SSR1: variants seen among roughly 807,000 people sequenced by gnomAD.
SSR1 encodes signal sequence receptor subunit 1, also known as translocon-associated protein subunit alpha.
SSR1 carries 13 observed loss-of-function variants against 36.1 expected under a neutral mutation model. The ratio of observed to expected loss-of-function variants is 0.36; its 90% CI spans 0.23 to 0.57. SSR1 has a LOEUF of 0.57. Ranked by LOEUF, SSR1 falls within the 20% of genes least tolerant of loss-of-function variation. SSR1 has a pLI of 0.81. For missense variants in SSR1, 291 were observed against 338.5 expected (o/e 0.86, Z 1.10); for synonymous variants, 113 against 118.9 (o/e 0.95, Z 0.32).
chr6:7,311,867 G>C (rs1758201658), intron 1 of SSR1, among the ~76,000 whole-genome samples: 2 of 151,890 alleles, frequency 1.3e-5, no homozygotes, highest in African/African-American at 2.4e-5. Context: ...GTTATAAATA[G>C]TTCTAAAACT....
At position 7,298,219 on chromosome 6, in the gene SSR1, G is replaced by A. The variant is rs528508958; in HGVS notation, c.621-218C>T. 8.9e-4 allele frequency among the ~76,000 whole-genome samples: 136 copies of A among 152,168 alleles called. 1 individual carries two copies. Among genetic ancestry groups the A allele is most frequent in the African/African-American group, 3.2e-3 (132 of 41,500 alleles). ...AAAAAAAACTCTATGATTGAAAATA[G>A]AATTACAATTTATGCTCTATTCAAA... On this transcript the variant is annotated intron_variant, in intron 5 of 7. Coordinates refer to ENST00000244763, the MANE Select transcript of SSR1 (RefSeq NM_003144.5).
chr6:7,312,481 G>A (rs75465676), intron 1 of SSR1, among the ~76,000 whole-genome samples: 12,667 of 152,210 alleles, frequency 0.083, 714 homozygotes, highest in Middle Eastern at 0.15. Flanking sequence ...TAACACATAC[G>A]GGTCAAGCAG....
Position 7,301,424 on chromosome 6 carries a change from G to T in SSR1, c.429C>A (p.Asn143Lys), listed in dbSNP as rs746681858. 6.2e-7 allele frequency: 1 copy of T among 1,614,166 alleles called. No individual in the cohort carries two copies. Among genetic ancestry groups the T allele is most frequent in the South Asian group, 1.1e-5 (1 of 91,080 alleles). ...CCTGTCTCTGGGGTGGCACTACAGTGTTCAGAGGAAGAGCTGTGAAATTCT... is the reference window on the plus strand; with the variant it reads ...CCTGTCTCTGGGGTGGCACTACAGTTTTCAGAGGAAGAGCTGTGAAATTCT... Reference protein sequence around the residue: ...YIQNFTALPLNTVVPPQRQAT... With the variant: ...YIQNFTALPLKTVVPPQRQAT... The change falls in exon 4 of 8, where the codon AAC (asparagine) becomes AAA (lysine). Residue 143 changes from asparagine (N) to lysine (K), a missense_variant. By Grantham distance (94) the Asn-to-Lys change is moderately conservative. Coordinates refer to ENST00000244763, the MANE Select transcript of SSR1 (RefSeq NM_003144.5).
At position 7,303,674 on chromosome 6, in the gene SSR1, G is replaced by GA. The variant is rs748243218; in HGVS notation, c.193-38dup. On this transcript the variant is annotated intron_variant, in intron 2 of 7. Transcript: ENST00000244763. ...AACAATTAAGAGGAGATTACTATGG[G>GA]AGAAAAAAAAATCATTATTTAAAAA... 7.6e-6 allele frequency: 11 copies of GA among 1,451,580 alleles called. No individual in the cohort carries two copies. The African/African-American group carries it at 1.6e-4, about 21-fold the overall frequency. 89.9% of individuals were successfully genotyped at this position (1,451,580 alleles called of 1,614,324 possible).
Position 7,289,783 on chromosome 6 carries a change from G to C in SSR1, c.*81C>G. The C allele has an allele frequency of 1.6e-6, 2 of 1,284,870 alleles. No homozygotes were observed. Among genetic ancestry groups the C allele is most frequent in the Non-Finnish European group, 2.2e-6 (2 of 929,800 alleles). 79.6% of individuals were successfully genotyped at this position (1,284,870 alleles called of 1,614,324 possible). On this transcript the variant is annotated 3_prime_UTR_variant, in exon 8 of 8. Transcript: ENST00000244763. ...AGGAGTTGCCTTCTATGGTGACATG[G>C]CTTCTCTGCACTAATTCCCATCAGG...
chr6:7,312,714 C>T (rs899450136), intron 1 of SSR1, among the ~76,000 whole-genome samples: 11 of 152,246 alleles, frequency 7.2e-5, no homozygotes, highest in African/African-American at 2.4e-4. Context: ...AGCGCCTCCT[C>T]CTGCAGCCGA....
chr6:7,289,590 T>C lies in SSR1; in HGVS notation c.*274A>G, dbSNP rs995622475. On this transcript the variant is annotated 3_prime_UTR_variant, in exon 8 of 8. Transcript: ENST00000244763. ...TATTCTAAAGACTTGTTTCAGGTAGTTCAACAATGATTCTGGTAAGACCAA... is the reference window on the plus strand; with the variant it reads ...TATTCTAAAGACTTGTTTCAGGTAGCTCAACAATGATTCTGGTAAGACCAA... 1 of 445,534 alleles carries C rather than the reference T, an allele frequency of 2.2e-6. No homozygotes were observed. Among genetic ancestry groups the C allele is most frequent in the Non-Finnish European group, 3.9e-6 (1 of 254,032 alleles). 27.6% of individuals were successfully genotyped at this position (445,534 alleles called of 1,614,324 possible). A position where few individuals can be genotyped will look rare whatever the true frequency, so the allele number is the denominator to read the frequency against.
rs561217813 is a variant in SSR1 at position 7,306,303 on chromosome 6, C to T, written c.193-2666G>A. ...GACTACAGGTGCCCACCACCACACC[C>T]GGCAGATTTTTTTGTATTTTTAGTA... On this transcript the variant is annotated intron_variant, in intron 2 of 7. Transcript: ENST00000244763. 8.6e-5 allele frequency among the ~76,000 whole-genome samples: 13 copies of T among 152,032 alleles called. No homozygotes were observed. The East Asian group carries it at 1.8e-3, about 21-fold the overall frequency.
intron 1 of SSR1, among the ~76,000 whole-genome samples, chr6:7,311,718 C>T (rs1188018778): frequency 6.6e-6 from 1 of 151,964 alleles, no homozygotes; most frequent in Non-Finnish European, 1.5e-5. Context: ...ACAATTTTGT[C>T]CCCATGAAGT....
rs1757453579 is a variant in SSR1 at position 7,282,701 on chromosome 6, C to T, written c.*7163G>A. The T allele has an allele frequency of 6.6e-6, 1 of 152,262 alleles. No homozygotes were observed. Among genetic ancestry groups the T allele is most frequent in the African/African-American group, 2.4e-5 (1 of 41,464 alleles). 9.4% of individuals were successfully genotyped at this position (152,262 alleles called of 1,614,324 possible). A position where few individuals can be genotyped will look rare whatever the true frequency, so the allele number is the denominator to read the frequency against. On this transcript the variant is annotated 3_prime_UTR_variant, in exon 8 of 8. Coordinates refer to ENST00000244763, the MANE Select transcript of SSR1 (RefSeq NM_003144.5). ...TCAAGTAAGGAGTCAAGACAAAACACTTAGAGTGACCTTTTGGCCACTGCT... is the reference window on the plus strand; with the variant it reads ...TCAAGTAAGGAGTCAAGACAAAACATTTAGAGTGACCTTTTGGCCACTGCT...
At chr6:7,292,050 C>CA (rs1757696833) in intron 7 of SSR1, among the ~76,000 whole-genome samples, 1 of 152,076 alleles carries the variant, frequency 6.6e-6, no homozygotes, top group African/African-American at 2.4e-5. Flanking sequence ...GCCTGGGTGA[C>CA]AGAGTGAGAT....
intron 1 of SSR1, among the ~76,000 whole-genome samples, chr6:7,310,291 A>T (rs778115308): frequency 2.7e-5 from 4 of 146,986 alleles, no homozygotes; most frequent in Non-Finnish European, 5.9e-5. Flanking sequence ...ACAGTTGTGC[A>T]GTCATAGCTC....
In SSR1 at chr6:7,283,963, G is replaced by A. The variant is rs1757488931; in HGVS notation, c.*5901C>T. On this transcript the variant is annotated 3_prime_UTR_variant, in exon 8 of 8. Transcript: ENST00000244763. ...GGTTACCTAGGGCAGTTGTGAAGAT[G>A]AAATGAGGATGTGTGTGGAAGGGCA... 6.6e-6 allele frequency: 1 copy of A among 152,228 alleles called. No individual in the cohort carries two copies. Among genetic ancestry groups the A allele is most frequent in the African/African-American group, 2.4e-5 (1 of 41,458 alleles). 9.4% of individuals were successfully genotyped at this position (152,228 alleles called of 1,614,324 possible). A position where few individuals can be genotyped will look rare whatever the true frequency, so the allele number is the denominator to read the frequency against.
At chr6:7,307,239 T>TAG (rs1758088517) in intron 2 of SSR1, among the ~76,000 whole-genome samples, 1 of 152,102 alleles carries the variant, frequency 6.6e-6, no homozygotes, top group Non-Finnish European at 1.5e-5. Flanking sequence ...CCATCTTTCT[T>TAG]AGACAGTCTA....
Position 7,285,804 on chromosome 6 carries a change from T to A in SSR1, c.*4060A>T, listed in dbSNP as rs959445264. ...TCACTCTTACCTTTAACGTGAAGAT[T>A]TATCTTTCAATCCTTTAGAGCTTGA... On this transcript the variant is annotated 3_prime_UTR_variant, in exon 8 of 8. Coordinates refer to ENST00000244763, the MANE Select transcript of SSR1 (RefSeq NM_003144.5). The surrounding 1 kb of genome is among the most constrained non-coding windows in gnomAD (Gnocchi z 4.1). 2.0e-5 allele frequency: 3 copies of A among 152,230 alleles called. No homozygotes were observed. Among genetic ancestry groups the A allele is most frequent in the Non-Finnish European group, 2.9e-5 (2 of 68,034 alleles). The allele number at this position is 152,230 out of a possible 1,614,324, so 9.4% of individuals were successfully genotyped here.
At chr6:7,296,004 A>T (rs1757786584) in intron 6 of SSR1, among the ~76,000 whole-genome samples, 1 of 152,246 alleles carries the variant, frequency 6.6e-6, no homozygotes, top group South Asian at 2.1e-4. Context: ...AAAATTCAGG[A>T]TAACTGCTGA....
rs1419672786 is a variant in SSR1 at position 7,287,100 on chromosome 6, T to C, written c.*2764A>G. The C allele has an allele frequency of 2.6e-5, 4 of 152,164 alleles. No homozygotes were observed. Among genetic ancestry groups the C allele is most frequent in the Admixed American group, 2.6e-4 (4 of 15,278 alleles). The allele number at this position is 152,164 out of a possible 1,614,324, so 9.4% of individuals were successfully genotyped here. On this transcript the variant is annotated 3_prime_UTR_variant, in exon 8 of 8. Transcript: ENST00000244763. The stretch of plus-strand genomic sequence containing the variant: ...AATGCACAAACCAAGTCAATTTTCC[T>C]TCATATCAAGGGTATGGATATCATT...
intron 2 of SSR1, among the ~76,000 whole-genome samples, chr6:7,307,550 A>G (rs1256591226): frequency 6.6e-6 from 1 of 151,864 alleles, no homozygotes; most frequent in Non-Finnish European, 1.5e-5. Context: ...TATTTATTTA[A>G]TTTTTTTTAG....
intron 2 of SSR1, among the ~76,000 whole-genome samples, chr6:7,307,027 G>T (rs1257774124): frequency 1.3e-5 from 2 of 151,556 alleles, no homozygotes; most frequent in African/African-American, 4.9e-5. Flanking sequence ...TGATATCTTA[G>T]ATCTTATGAA....
Sources: allele counts gnomAD v4.1 joint callset (sites outside exome capture counted in the v4.1 genomes callset), GRCh38; gene constraint gnomAD v4.1.1; non-coding constraint Gnocchi (gnomAD v3.1); transcripts MANE v1.5; gene names NCBI Gene and HGNC (gene_info 2026-07-23, HGNC 2026-07-21).